PDE1C: variants seen among roughly 807,000 people sequenced by gnomAD.
PDE1C encodes the protein phosphodiesterase 1C, also known as dual specificity calcium/calmodulin-dependent 3',5'-cyclic nucleotide phosphodiesterase 1C.
In PDE1C, 62 loss-of-function variants were observed where a neutral mutation model predicts 93.1. That is an observed-to-expected ratio of 0.67 (90% CI 0.54 to 0.82). PDE1C has a LOEUF of 0.82. PDE1C is among the 40% of genes least tolerant of loss of function. PDE1C has a pLI of 0.00. For synonymous variants in PDE1C, 325 were observed against 310.1 expected (o/e 1.05, Z -0.50); for missense variants, 742 against 884.6 (o/e 0.84, Z 2.04).
At chr7:32,026,514 C>G (rs1584503034) in intron 2 of PDE1C, among the ~76,000 whole-genome samples, 1 of 152,192 alleles carries the variant, frequency 6.6e-6, no homozygotes, top group Non-Finnish European at 1.5e-5. Context: ...AATACAAAAC[C>G]CTGGCAACAC....
intron 2 of PDE1C, among the ~76,000 whole-genome samples, chr7:31,887,318 G>A (rs568948138): frequency 8.8e-4 from 134 of 152,248 alleles, no homozygotes; most frequent in Non-Finnish European, 1.1e-3. Context: ...AATTATGACT[G>A]GCAAGAATAG....
intron 2 of PDE1C, among the ~76,000 whole-genome samples, chr7:31,899,132 CTTTTTTTTTTT>C (rs386409838): frequency 1.2e-5 from 1 of 85,018 alleles, no homozygotes; most frequent in South Asian, 4.6e-4. Flanking sequence ...GGCAGTCCCA[CTTTTTTTTTTT>C]TTTTTTTTTT....
At chr7:32,327,304 A>T (rs1585110555) in intron 1 of PDE1C, among the ~76,000 whole-genome samples, 1 of 152,306 alleles carries the variant, frequency 6.6e-6, no homozygotes, top group African/African-American at 2.4e-5. Context: ...GTAAGTATAC[A>T]ACTTGATCCA....
chr7:32,316,359 C>T (rs568181570), intron 1 of PDE1C, among the ~76,000 whole-genome samples: 2 of 152,290 alleles, frequency 1.3e-5, no homozygotes, highest in East Asian at 3.9e-4. Flanking sequence ...CGCACATCTG[C>T]CGTCTAAAGA....
the PDE1C span, among the ~76,000 whole-genome samples, chr7:31,654,843 C>T: frequency 6.6e-6 from 1 of 152,076 alleles, no homozygotes; most frequent in Non-Finnish European, 1.5e-5. Flanking sequence ...CTATTGAAAC[C>T]ACCCACTACT....
Position 32,410,741 on chromosome 7 carries a change from G to C in PDE1C, c.310+17081C>G, listed in dbSNP as rs188455687. Among the ~76,000 whole-genome samples, 284 of 152,246 alleles carry C rather than the reference G, an allele frequency of 1.9e-3. 1 individual carries two copies. Among genetic ancestry groups the C allele is most frequent in the Middle Eastern group, 0.01 (3 of 294 alleles). On this transcript the variant is annotated intron_variant, in intron 1 of 1. Transcript: ENST00000672256. ...CCTCCGCTTCCCGGACAGTGGCTGT[G>C]CTCCCTCCATAGCACTGCCTCTGCT...
At chr7:31,706,415 T>C in the PDE1C span, among the ~76,000 whole-genome samples, 3 of 152,164 alleles carry the variant, frequency 2.0e-5, no homozygotes, top group African/African-American at 7.2e-5. Flanking sequence ...TAAAATTTCA[T>C]AAAAGAAAGG....
chr7:31,760,449 A>G (rs949519887), intron 17 of PDE1C, among the ~76,000 whole-genome samples: 1 of 152,090 alleles, frequency 6.6e-6, no homozygotes, highest in African/African-American at 2.4e-5. Flanking sequence ...CTTGAGTTCA[A>G]TATGATTTCC....
chr7:31,791,132 C>T (rs1465688607), intron 16 of PDE1C, among the ~76,000 whole-genome samples: 1 of 152,118 alleles, frequency 6.6e-6, no homozygotes, highest in African/African-American at 2.4e-5. Context: ...GACTAAGATA[C>T]TCTCCTAAGA....
intron 1 of PDE1C, among the ~76,000 whole-genome samples, chr7:32,334,527 C>A (rs1783575994): frequency 6.6e-6 from 1 of 151,904 alleles, no homozygotes; most frequent in Non-Finnish European, 1.5e-5. Context: ...TTTTGGTGTA[C>A]CCATCACCCG....
rs555370734 is a variant in PDE1C, at chr7:32,042,403, T to C, written c.128+9151A>G. 1.9e-4 allele frequency among the ~76,000 whole-genome samples: 29 copies of C among 152,232 alleles called. 1 individual carries two copies. The highest frequency in any genetic ancestry group is 4.0e-4 in the Non-Finnish European group (27 of 68,034). ...GTCTGAAAGGCCTGCCTTTAAACCC[T>C]GGCCCGACCATTTGTCTGCTCATTT... On this transcript the variant is annotated intron_variant, in intron 2 of 17. Coordinates refer to ENST00000396191, the MANE Select transcript of PDE1C (RefSeq NM_001191057.4).
At chr7:31,861,974 T>A (rs1276604269) in intron 7 of PDE1C, among the ~76,000 whole-genome samples, 1 of 152,160 alleles carries the variant, frequency 6.6e-6, no homozygotes, top group African/African-American at 2.4e-5. Context: ...ACTGTCCCCA[T>A]CATGTGCTGT....
At chr7:31,688,024 G>A in the PDE1C span, among the ~76,000 whole-genome samples, 1 of 152,294 alleles carries the variant, frequency 6.6e-6, no homozygotes, top group South Asian at 2.1e-4. Flanking sequence ...CAGCTTCAGA[G>A]AAGGCCAGAG....
chr7:31,789,055 A>G (rs1784298076), intron 16 of PDE1C: 2 of 152,170 alleles, frequency 1.3e-5, no homozygotes, highest in South Asian at 4.1e-4. Context: ...TTCTATTACT[A>G]ATCCCCACTT....
chr7:31,796,045 T>C (rs901148420), intron 16 of PDE1C, among the ~76,000 whole-genome samples: 1 of 151,128 alleles, frequency 6.6e-6, no homozygotes, highest in Non-Finnish European at 1.5e-5. Context: ...ATTACAATTC[T>C]CTCCTCCACT....
chr7:32,074,076 A>G (rs77908386), upstream of PDE1C, among the ~76,000 whole-genome samples: 5,573 of 152,302 alleles, frequency 0.037, 127 homozygotes, highest in East Asian at 0.1. Context: ...CCAACAATTT[A>G]AAGTACTCCT....
At chr7:31,712,904 A>G in the PDE1C span, among the ~76,000 whole-genome samples, 1 of 152,158 alleles carries the variant, frequency 6.6e-6, no homozygotes, top group Non-Finnish European at 1.5e-5. Context: ...CCTGTCCCCA[A>G]GATTCAATTA....
chr7:32,387,694 T>C (rs1307526664), intron 1 of PDE1C, among the ~76,000 whole-genome samples: 3 of 101,358 alleles, frequency 3.0e-5, no homozygotes, highest in South Asian at 3.5e-4. Context: ...CCCCCCCACC[T>C]CCCTCCCGGA....
At chr7:31,665,074 C>T in the PDE1C span, among the ~76,000 whole-genome samples, 1 of 152,058 alleles carries the variant, frequency 6.6e-6, no homozygotes, top group Non-Finnish European at 1.5e-5. Context: ...CCATTTCCTT[C>T]CTCCTTCCTC....
Sources: allele counts gnomAD v4.1 joint callset (sites outside exome capture counted in the v4.1 genomes callset), GRCh38; gene constraint gnomAD v4.1.1; transcripts MANE v1.5; gene names NCBI Gene and HGNC (gene_info 2026-07-23, HGNC 2026-07-21).